The following TRPV4 variants were observed in gnomAD, a reference collection of about 807,000 sequenced individuals.
TRPV4 encodes the protein OSM9-like transient receptor potential channel 4.
Under a neutral mutation model 84.1 loss-of-function variants are expected in TRPV4, and 58 were observed. That is an observed-to-expected ratio of 0.69 (90% CI 0.56 to 0.86). The LOEUF is 0.86. Ranked by LOEUF, TRPV4 falls within the 40% of genes least tolerant of loss-of-function variation. TRPV4 has a pLI of 0.00. For synonymous variants in TRPV4, 489 were observed against 500.9 expected (o/e 0.98, Z 0.32); for missense variants, 879 against 1,181.1 (o/e 0.74, Z 3.75).
At chr12:109,819,436 G>A (rs563431890) in intron 1 of TRPV4, among the ~76,000 whole-genome samples, 176 of 152,328 alleles carry the variant, frequency 1.2e-3, no homozygotes, top group African/African-American at 4.0e-3. Flanking sequence ...CCTACCAGGA[G>A]CCCCTCCACA....
At position 109,786,655 on chromosome 12, in the gene TRPV4, G is replaced by C. The variant is rs1299135881; in HGVS notation, c.2336+55C>G. On this transcript the variant is annotated intron_variant, in intron 14 of 15. Coordinates refer to ENST00000261740, the MANE Select transcript of TRPV4 (RefSeq NM_021625.5). This position sits in a 1 kb window ranked among gnomAD's most constrained non-coding sequence, Gnocchi z 4.5. ...ACGACGCTGGAGCAGCAGGGGCCCC[G>C]AGCCAGTGGGGACAGTTCCGCCCTG... 3.2e-5 allele frequency: 52 copies of C among 1,609,274 alleles called. No homozygotes were observed. Among genetic ancestry groups the C allele is most frequent in the East Asian group, 4.5e-5 (2 of 44,750 alleles).
intron 4 of TRPV4, among the ~76,000 whole-genome samples, chr12:109,802,666 T>G (rs1890872848): frequency 6.7e-6 from 1 of 148,864 alleles, no homozygotes; most frequent in African/African-American, 2.5e-5. Flanking sequence ...ATGTTGCCCA[T>G]GCTGGTCTTG....
chr12:109,816,708 G>C (rs1215532865), intron 1 of TRPV4, among the ~76,000 whole-genome samples: 1 of 152,144 alleles, frequency 6.6e-6, no homozygotes, highest in Non-Finnish European at 1.5e-5. Context: ...AACCCAGGAG[G>C]CAGAGGTTGC....
chr12:109,792,713 T>C lies in TRPV4; in HGVS notation c.1763A>G (p.Asn588Ser), dbSNP rs890030085. The change falls in exon 11 of 16, where the codon AAT becomes AGT. Residue 588 changes from asparagine (N) to serine (S), a missense_variant. Around this residue, in one of 4 missense-constraint regions of TRPV4, gnomAD observed 9 missense variants for 39.7 expected, o/e 0.23. Coordinates refer to ENST00000261740, the MANE Select transcript of TRPV4 (RefSeq NM_021625.5). Reference protein sequence around the residue: ...MVFALVLGWMNALYFTRGLKL... With the variant: ...MVFALVLGWMSALYFTRGLKL... The stretch of plus-strand genomic sequence containing the variant: ...CAGCCCACGGGTGAAGTAAAGGGCA[T>C]TCATCCAGCCCAGGACCAGGGCAAA... 2 of 1,614,166 alleles carry C rather than the reference T, an allele frequency of 1.2e-6. No homozygotes were observed. The highest frequency in any genetic ancestry group is 3.3e-5 in the Admixed American group (2 of 60,020).
rs894964514 is a variant in TRPV4 at position 109,832,827 on chromosome 12, G to T, written c.-32+523C>A. The T allele has an allele frequency of 9.0e-4, 14 of 15,482 alleles. 1 individual carries two copies. The highest frequency in any genetic ancestry group is 4.0e-3 in the African/African-American group (14 of 3,522). 1.0% of individuals were successfully genotyped at this position (15,482 alleles called of 1,614,324 possible). A position where few individuals can be genotyped will look rare whatever the true frequency, so the allele number is the denominator to read the frequency against. ...CCACCCCCAGGAGCCACCCGCCCCC[G>T]GGACGTCCTGAGAGTCCAGGGCAGA... On this transcript the variant is annotated intron_variant, in intron 1 of 15. Coordinates refer to ENST00000261740, the MANE Select transcript of TRPV4 (RefSeq NM_021625.5).
intron 1 of TRPV4, among the ~76,000 whole-genome samples, chr12:109,831,106 C>T (rs1892396941): frequency 6.7e-6 from 1 of 150,086 alleles, no homozygotes; most frequent in Admixed American, 6.8e-5. Flanking sequence ...TTAGCTCCTG[C>T]CTGTCTGATC....
At chr12:109,802,619 T>TTTTA (rs1555208554) in intron 4 of TRPV4, among the ~76,000 whole-genome samples, 2 of 100,446 alleles carry the variant, frequency 2.0e-5, no homozygotes, top group South Asian at 4.1e-4. Flanking sequence ...ATTTTATTTT[T>TTTTA]TTTTTTTTGT....
chr12:109,825,835 G>C (rs1781944205), intron 1 of TRPV4, among the ~76,000 whole-genome samples: 1 of 152,186 alleles, frequency 6.6e-6, no homozygotes, highest in African/African-American at 2.4e-5. Context: ...TCGGGGAAGG[G>C]AGCCCAAGGC....
intron 2 of TRPV4, among the ~76,000 whole-genome samples, chr12:109,810,119 C>T (rs1405583980): frequency 1.3e-5 from 2 of 152,194 alleles, no homozygotes; most frequent in Non-Finnish European, 2.9e-5. Flanking sequence ...CTTGGAGACA[C>T]TCATTCAGTC....
chr12:109,785,016 A>G (rs540778918), intron 14 of TRPV4, among the ~76,000 whole-genome samples: 1 of 152,024 alleles, frequency 6.6e-6, no homozygotes, highest in East Asian at 1.9e-4. Flanking sequence ...CCCAAGCAGA[A>G]ATTATTTTTT....
chr12:109,812,393 A>G (rs1164639244), intron 2 of TRPV4, among the ~76,000 whole-genome samples: 1 of 152,230 alleles, frequency 6.6e-6, no homozygotes. Context: ...TGGGGTTTCC[A>G]GCTCTTTCTA....
At chr12:109,818,155 T>C (rs1395173475) in intron 1 of TRPV4, among the ~76,000 whole-genome samples, 1 of 152,042 alleles carries the variant, frequency 6.6e-6, no homozygotes, top group Non-Finnish European at 1.5e-5. Flanking sequence ...GGGGATGTCC[T>C]GGGTGCCAGG....
intron 1 of TRPV4, among the ~76,000 whole-genome samples, chr12:109,831,918 C>T (rs1045934192): frequency 1.3e-5 from 2 of 152,222 alleles, no homozygotes; most frequent in South Asian, 2.1e-4. Flanking sequence ...TTTCTGGTTC[C>T]CATCATTCTT....
intron 1 of TRPV4, among the ~76,000 whole-genome samples, chr12:109,829,776 C>A (rs968341560): frequency 1.3e-5 from 2 of 152,238 alleles, no homozygotes; most frequent in African/African-American, 4.8e-5. Context: ...GAATAGCAGG[C>A]CTGTCTTAAA....
At chr12:109,802,968 C>T (rs375012433) in intron 4 of TRPV4, 23 bp downstream of exon 4, 2 of 1,612,850 alleles carry the variant, frequency 1.2e-6, no homozygotes, top group Non-Finnish European at 1.7e-6. Context: ...CCCGTGGCAC[C>T]CCTGCCCAGC....
At chr12:109,831,520 T>C (rs998870349) in intron 1 of TRPV4, among the ~76,000 whole-genome samples, 6 of 152,240 alleles carry the variant, frequency 3.9e-5, no homozygotes, top group South Asian at 2.1e-4. Context: ...GAAGCTGGGA[T>C]TGGAAGCATC....
chr12:109,784,339 T>C lies in TRPV4; in HGVS notation c.2435A>G (p.His812Arg), dbSNP rs1335635085. 5.6e-6 allele frequency: 9 copies of C among 1,614,200 alleles called. No homozygotes were observed. The highest frequency in any genetic ancestry group is 2.2e-5 in the East Asian group (1 of 44,872). ...ACCCCTGCGGAGGCGGCCCACGGTA[T>C]GCGAGAAGCCATAATACTGGTAGGT... ...NETYQYYGFS[H>R]TVGRLRRDRW... is the part of the protein sequence containing the mutation. The change falls in exon 15 of 16, where the codon CAT (histidine) becomes CGT (arginine). Residue 812 changes from histidine to arginine, a missense_variant. Physicochemically the swap from His to Arg is conservative, Grantham distance 29 (BLOSUM62 0). Around this residue, in one of 4 missense-constraint regions of TRPV4, gnomAD observed 242 missense variants for 355.3 expected, o/e 0.68. Transcript: ENST00000261740.
intron 11 of TRPV4, 73 bp downstream of exon 11, chr12:109,792,579 A>G (rs1890115533): frequency 1.9e-6 from 3 of 1,600,032 alleles, no homozygotes; most frequent in African/African-American, 1.3e-5. Context: ...CTGCAGGTGC[A>G]TAAGTGTGCA....
intron 3 of TRPV4, among the ~76,000 whole-genome samples, chr12:109,803,668 A>G (rs1439171085): frequency 1.3e-5 from 2 of 152,120 alleles, no homozygotes; most frequent in Non-Finnish European, 2.9e-5. Flanking sequence ...TCTGTTACCC[A>G]GGCTGGTCTC....
Sources: gnomAD v4.1 joint callset for allele counts (sites outside exome capture counted in the v4.1 genomes callset) on GRCh38, gnomAD v4.1.1 for gene constraint, gnomAD v4.1.1 regional missense constraint, Gnocchi (gnomAD v3.1) non-coding constraint, MANE v1.5 for transcripts, NCBI Gene and HGNC (gene_info 2026-07-23, HGNC 2026-07-21) for gene names.